The following TCF4 variants were observed in gnomAD, a reference collection of about 807,000 sequenced individuals.
TCF4 encodes transcription factor 4, also known as SL3-3 enhancer factor 2.
A neutral mutation model predicts 82.1 loss-of-function variants in TCF4; 3 were observed. The ratio of observed to expected loss-of-function variants is 0.04; its 90% confidence interval spans 0.02 to 0.09. The LOEUF is 0.09. Ranked by LOEUF, TCF4 falls within the 10% of genes least tolerant of loss-of-function variation. TCF4 has a pLI of 1.00. For synonymous variants in TCF4, 276 were observed against 309.6 expected (o/e 0.89, Z 1.14); for missense variants, 518 against 852.7 (o/e 0.61, Z 4.89).
chr18:55,568,923 A>G (rs1432869892), intron 3 of TCF4, among the ~76,000 whole-genome samples: 1 of 152,226 alleles, frequency 6.6e-6, no homozygotes, highest in Non-Finnish European at 1.5e-5. Context: ...CAAAATGCAA[A>G]GGTGGCTTAC....
At chr18:55,526,234 C>T (rs1022988858) in intron 3 of TCF4, among the ~76,000 whole-genome samples, 1 of 152,100 alleles carries the variant, frequency 6.6e-6, no homozygotes, top group Non-Finnish European at 1.5e-5. Context: ...ATCACACTTG[C>T]CTATCTAAAA....
chr18:55,559,978 T>G (rs547534508), intron 3 of TCF4, among the ~76,000 whole-genome samples: 34 of 152,324 alleles, frequency 2.2e-4, no homozygotes, highest in Admixed American at 1.6e-3. Flanking sequence ...GGATCTAATT[T>G]TAGGCCAACT....
intron 5 of TCF4, chr18:55,403,993 GTC>G (rs748773770): frequency 5.4e-3 from 6,195 of 1,143,680 alleles, no homozygotes; most frequent in East Asian, 0.013. Context: ...AAAATTCTGA[GTC>G]TCTCTCTCTC....
Position 55,542,332 on chromosome 18 carries a change from A to G in TCF4, c.145+42948T>C, listed in dbSNP as rs638660. Among the ~76,000 whole-genome samples the G allele has an allele frequency of 4.0e-3, 613 of 152,106 alleles. 5 individuals are homozygous for G. Among genetic ancestry groups the G allele is most frequent in the African/African-American group, 0.014 (595 of 41,546 alleles). ...AAAAGTTAATTTTCTTGACTCATTT[A>G]AACACAGATCTTCATATGGCAAGGG... is the stretch of plus-strand genomic sequence containing the variant. On this transcript the variant is annotated intron_variant, in intron 3 of 19. Coordinates refer to ENST00000354452, the MANE Select transcript of TCF4 (RefSeq NM_001083962.2).
chr18:55,525,582 TG>T (rs1191879891), intron 3 of TCF4, among the ~76,000 whole-genome samples: 1 of 152,200 alleles, frequency 6.6e-6, no homozygotes, highest in Non-Finnish European at 1.5e-5. Context: ...CATTAAAAAC[TG>T]AGTTTCAAAC....
At chr18:55,493,583 T>C (rs2096597805) in intron 3 of TCF4, among the ~76,000 whole-genome samples, 1 of 152,186 alleles carries the variant, frequency 6.6e-6, no homozygotes, top group Non-Finnish European at 1.5e-5. Flanking sequence ...TAGTATAGGC[T>C]TCAATATTTA....
At chr18:55,520,957 T>C (rs148157727) in intron 3 of TCF4, among the ~76,000 whole-genome samples, 68 of 152,256 alleles carry the variant, frequency 4.5e-4, no homozygotes, top group Middle Eastern at 3.4e-3. Flanking sequence ...ATTATCCAGT[T>C]TGTGAAATAC....
chr18:55,475,018 C>T (rs2096262615), intron 3 of TCF4, among the ~76,000 whole-genome samples: 1 of 152,138 alleles, frequency 6.6e-6, no homozygotes, highest in Non-Finnish European at 1.5e-5. Context: ...TATCCTTTTG[C>T]ACCTTAGTAC....
intron 8 of TCF4, among the ~76,000 whole-genome samples, chr18:55,300,377 C>T (rs1446404038): frequency 1.9e-5 from 2 of 105,356 alleles, no homozygotes; most frequent in Non-Finnish European, 3.5e-5. Context: ...ATGTTCCTGG[C>T]GGTCATTTGG....
At chr18:55,444,819 T>G (rs1274482094) in intron 5 of TCF4, among the ~76,000 whole-genome samples, 1 of 152,198 alleles carries the variant, frequency 6.6e-6, no homozygotes, top group Non-Finnish European at 1.5e-5. Context: ...ACTGACCACC[T>G]TAATCCCCCA....
intron 3 of TCF4, among the ~76,000 whole-genome samples, chr18:55,583,710 T>C (rs1043893051): frequency 1.3e-5 from 2 of 152,136 alleles, no homozygotes; most frequent in African/African-American, 2.4e-5. Context: ...TACTTTTAGA[T>C]TGAAACTGAA....
intron 3 of TCF4, among the ~76,000 whole-genome samples, chr18:55,480,098 T>C (rs930137033): frequency 6.6e-6 from 1 of 152,136 alleles, no homozygotes; most frequent in African/African-American, 2.4e-5. Flanking sequence ...CCATTACCTT[T>C]TGAATACCAT....
At chr18:55,259,846 G>A in intron 13 of TCF4, 103 bp downstream of exon 13, 1 of 978,684 alleles carries the variant, frequency 1.0e-6, no homozygotes, top group Non-Finnish European at 1.7e-6. Context: ...AAAGCTTTGG[G>A]ATTTGGGGGG....
In TCF4 at chr18:55,223,973, A is replaced by AT. The variant is rs140440103; in HGVS notation, c.*4061dup. 4,968 of 151,930 alleles carry AT rather than the reference A, an allele frequency of 0.033. 114 individuals carry two copies. The highest frequency in any genetic ancestry group is 0.054 in the Non-Finnish European group (3,664 of 67,918). 9.4% of individuals were successfully genotyped at this position (151,930 alleles called of 1,614,324 possible). ...AAGAAGAAATATTCAGAATCTGACAATTTTTTTGTAATATTCATGGTATAA... is the reference window on the plus strand; with the variant it reads ...AAGAAGAAATATTCAGAATCTGACAATTTTTTTTGTAATATTCATGGTATAA... On this transcript the variant is annotated 3_prime_UTR_variant, in exon 20 of 20. Coordinates refer to ENST00000354452, the MANE Select transcript of TCF4 (RefSeq NM_001083962.2).
intron 7 of TCF4, 138 bp from the exon 8 acceptor site, chr18:55,350,546 T>G: frequency 1.1e-6 from 1 of 896,866 alleles, no homozygotes; most frequent in South Asian, 1.4e-5. Flanking sequence ...CACGATCACA[T>G]TCGATTCTAG....
At chr18:55,336,807 A>T (rs1219875074) in intron 8 of TCF4, among the ~76,000 whole-genome samples, 1 of 152,152 alleles carries the variant, frequency 6.6e-6, no homozygotes, top group Non-Finnish European at 1.5e-5. Flanking sequence ...TTCCAAGGGT[A>T]CATCAAATTG....
chr18:55,251,931 T>TTTTTG (rs1555756467), intron 15 of TCF4, among the ~76,000 whole-genome samples: 1,887 of 58,178 alleles, frequency 0.032, 25 homozygotes, highest in Non-Finnish European at 0.051. Flanking sequence ...GGGGATGAGG[T>TTTTTG]TTTTTTTTTT....
At position 55,224,164 on chromosome 18, in the gene TCF4, CT is replaced by C. The variant is rs66807288; in HGVS notation, c.*3870del. 58,366 of 140,352 alleles carry C rather than the reference CT, an allele frequency of 0.42. 11,505 individuals carry two copies. Among genetic ancestry groups the C allele is most frequent in the Middle Eastern group, 0.5 (137 of 272 alleles). 8.7% of individuals were successfully genotyped at this position (140,352 alleles called of 1,614,324 possible). On this transcript the variant is annotated 3_prime_UTR_variant, in exon 20 of 20. Coordinates refer to ENST00000354452, the MANE Select transcript of TCF4 (RefSeq NM_001083962.2). ...GGCACTGATACATGGTAAATCTCTG[CT>C]TTTTTTTTTTTTTTCTTATCTTCAC...
In TCF4 at chr18:55,224,149, C is replaced by A; in HGVS notation, c.*3886G>T. 6.8e-6 allele frequency: 1 copy of A among 146,128 alleles called. No homozygotes were observed. The allele number at this position is 146,128 out of a possible 1,614,324, so 9.1% of individuals were successfully genotyped here. Reference sequence around the variant, plus strand: ...TATAACAAAAAGCCAGGCACTGATACATGGTAAATCTCTGCTTTTTTTTTT... The same window carrying A: ...TATAACAAAAAGCCAGGCACTGATAAATGGTAAATCTCTGCTTTTTTTTTT... On this transcript the variant is annotated 3_prime_UTR_variant, in exon 20 of 20. Coordinates refer to ENST00000354452, the MANE Select transcript of TCF4 (RefSeq NM_001083962.2).
Sources: allele counts gnomAD v4.1 joint callset (sites outside exome capture counted in the v4.1 genomes callset), GRCh38; gene constraint gnomAD v4.1.1; transcripts MANE v1.5; gene names NCBI Gene and HGNC (gene_info 2026-07-23, HGNC 2026-07-21).